Variants in ASTN2 observed in about 807,000 individuals in gnomAD.
The protein encoded by ASTN2 is astrotactin 2.
A neutral mutation model predicts 139.8 loss-of-function variants in ASTN2; 54 were observed. The ratio of observed to expected loss-of-function variants is 0.39; its 90% CI spans 0.31 to 0.48. The LOEUF is 0.48. ASTN2 is among the 20% of genes least tolerant of loss of function. The probability of loss-of-function intolerance (pLI) is 0.95; values close to 1 mark genes in which losing one functional copy is unlikely to be tolerated. For missense variants in ASTN2, 1,565 were observed against 1,725.1 expected (o/e 0.91, Z 1.64); for synonymous variants, 756 against 719.5 (o/e 1.05, Z -0.81).
intron 4 of ASTN2, among the ~76,000 whole-genome samples, chr9:117,123,202 C>G (rs183532723): frequency 6.6e-6 from 1 of 151,960 alleles, no homozygotes; most frequent in Non-Finnish European, 1.5e-5. Context: ...GCTGATGCTG[C>G]GTGTTCAGGA....
At chr9:117,150,854 G>A (rs936882041) in intron 3 of ASTN2, among the ~76,000 whole-genome samples, 4 of 151,940 alleles carry the variant, frequency 2.6e-5, no homozygotes, top group African/African-American at 9.7e-5. Context: ...ATATCACCAC[G>A]CCTGGATAAT....
At chr9:117,014,819 G>A (rs1318219185) in intron 6 of ASTN2, among the ~76,000 whole-genome samples, 1 of 152,042 alleles carries the variant, frequency 6.6e-6, no homozygotes, top group Non-Finnish European at 1.5e-5. Flanking sequence ...GAGGACACAG[G>A]GAGAGGACAG....
At chr9:116,612,202 G>C (rs868723006) in intron 19 of ASTN2, 2 of 152,070 alleles carry the variant, frequency 1.3e-5, no homozygotes, top group East Asian at 3.8e-4. Flanking sequence ...CCCAATATAG[G>C]AGCACCCAGA....
intron 19 of ASTN2, among the ~76,000 whole-genome samples, chr9:116,601,825 G>A (rs922451885): frequency 2.6e-5 from 4 of 152,142 alleles, no homozygotes; most frequent in Admixed American, 2.0e-4. Flanking sequence ...AATATAATTA[G>A]GGGGTTCCGA....
intron 1 of ASTN2, among the ~76,000 whole-genome samples, chr9:117,347,385 G>A (rs1010834766): frequency 6.6e-6 from 1 of 152,000 alleles, no homozygotes; most frequent in South Asian, 2.1e-4. Context: ...CCACCTGGGA[G>A]GTTGCCCCAG....
At chr9:116,614,768 C>A (rs1855751189) in intron 19 of ASTN2, among the ~76,000 whole-genome samples, 1 of 152,118 alleles carries the variant, frequency 6.6e-6, no homozygotes, top group African/African-American at 2.4e-5. Context: ...ACCATAAAAA[C>A]CCTAGAAGAA....
At chr9:116,966,388 G>T (rs919056837) in intron 10 of ASTN2, among the ~76,000 whole-genome samples, 1 of 152,158 alleles carries the variant, frequency 6.6e-6, no homozygotes, top group South Asian at 2.1e-4. Flanking sequence ...ATTTAGCAGA[G>T]GCTGTGTCTT....
At chr9:116,439,432 C>A (rs1847773509) in intron 22 of ASTN2, among the ~76,000 whole-genome samples, 1 of 139,522 alleles carries the variant, frequency 7.2e-6, no homozygotes, top group Non-Finnish European at 1.5e-5. Flanking sequence ...GATCTCCTGA[C>A]CTCGTGATCC....
At chr9:116,549,916 T>C (rs1258583481) in intron 19 of ASTN2, among the ~76,000 whole-genome samples, 1 of 148,926 alleles carries the variant, frequency 6.7e-6, no homozygotes, top group Non-Finnish European at 1.5e-5. Flanking sequence ...AAAACCACAA[T>C]TACCAACCTT....
At position 116,698,472 on chromosome 9, in the gene ASTN2, GC is replaced by G. The variant is rs1860997769; in HGVS notation, c.2806+27298del. Reference sequence around the variant, plus strand: ...TGTGTCTCGCTGTGACTACTTCCTGGCCAAGATCAAGCAGGCAGATGTAGCA... The same window carrying G: ...TGTGTCTCGCTGTGACTACTTCCTGGCAAGATCAAGCAGGCAGATGTAGCA... On this transcript the variant is annotated intron_variant, in intron 16 of 22. Coordinates refer to ENST00000313400, the MANE Select transcript of ASTN2 (RefSeq NM_001365068.1). This position sits in a 1 kb window ranked among gnomAD's most constrained non-coding sequence, Gnocchi z 4.4. 1 of 1,613,758 alleles carries G rather than the reference GC, an allele frequency of 6.2e-7. No individual in the cohort carries two copies. Among genetic ancestry groups the G allele is most frequent in the Non-Finnish European group, 8.5e-7 (1 of 1,180,008 alleles).
At chr9:116,797,421 CAGTTCAGGAGTCAGA>C (rs1481418590) in intron 13 of ASTN2, among the ~76,000 whole-genome samples, 1 of 152,096 alleles carries the variant, frequency 6.6e-6, no homozygotes, top group Non-Finnish European at 1.5e-5. Context: ...TTTCTGCAAC[CAGTTCAGGAGTCAGA>C]ATGCCAGGAA....
intron 6 of ASTN2, among the ~76,000 whole-genome samples, chr9:117,036,211 A>G (rs1838380360): frequency 6.6e-6 from 1 of 152,180 alleles, no homozygotes; most frequent in African/African-American, 2.4e-5. Flanking sequence ...TTCATTTGAA[A>G]GGACACATTC....
chr9:116,458,838 A>AT (rs1449997545), intron 20 of ASTN2, among the ~76,000 whole-genome samples: 4 of 152,066 alleles, frequency 2.6e-5, no homozygotes, highest in Admixed American at 2.6e-4. Flanking sequence ...ATATTCCCAA[A>AT]TTTATCTGTA....
chr9:116,878,299 C>G (rs1833357668), intron 10 of ASTN2, among the ~76,000 whole-genome samples: 1 of 152,108 alleles, frequency 6.6e-6, no homozygotes, highest in African/African-American at 2.4e-5. Context: ...AACATGAAAT[C>G]AACCCAAATG....
chr9:117,410,485 T>C (rs1398621574), intron 1 of ASTN2, among the ~76,000 whole-genome samples: 1 of 152,194 alleles, frequency 6.6e-6, no homozygotes, highest in Non-Finnish European at 1.5e-5. Flanking sequence ...TTCAAGTTCA[T>C]AGAATCTTTA....
intron 13 of ASTN2, among the ~76,000 whole-genome samples, chr9:116,797,546 A>G (rs1206362615): frequency 1.3e-5 from 2 of 152,196 alleles, no homozygotes; most frequent in Non-Finnish European, 2.9e-5. Context: ...GCAAAGTGCT[A>G]TGTTTCCAAG....
At chr9:117,093,361 T>A (rs1381770372) in intron 5 of ASTN2, among the ~76,000 whole-genome samples, 2 of 152,152 alleles carry the variant, frequency 1.3e-5, no homozygotes, top group Admixed American at 1.3e-4. Flanking sequence ...TCTCTATGCT[T>A]TCATCTTAAT....
chr9:116,536,165 G>A (rs1416349629), intron 19 of ASTN2, among the ~76,000 whole-genome samples: 4 of 151,858 alleles, frequency 2.6e-5, no homozygotes, highest in Non-Finnish European at 5.9e-5. Context: ...TGAAGCTTGT[G>A]CATTCGTCAC....
At chr9:117,143,712 T>G (rs1830127130) in intron 3 of ASTN2, among the ~76,000 whole-genome samples, 1 of 152,044 alleles carries the variant, frequency 6.6e-6, no homozygotes, top group Non-Finnish European at 1.5e-5. Flanking sequence ...CAGGGTGCCA[T>G]GGTTTTGGTG....
Sources: allele counts gnomAD v4.1 joint callset (sites outside exome capture counted in the v4.1 genomes callset), GRCh38; gene constraint gnomAD v4.1.1; non-coding constraint Gnocchi (gnomAD v3.1); transcripts MANE v1.5; gene names NCBI Gene and HGNC (gene_info 2026-07-23, HGNC 2026-07-21).